Variants in LSAMP observed in about 807,000 individuals in gnomAD.
LSAMP encodes the protein limbic system associated membrane protein.
A neutral mutation model predicts 38.6 loss-of-function variants in LSAMP; 7 were observed. That is an observed-to-expected ratio of 0.18 (90% CI 0.10 to 0.34). LSAMP has a LOEUF of 0.34. LSAMP is among the 10% of genes least tolerant of loss of function. The pLI is 1.00. For missense variants in LSAMP, 313 were observed against 420.0 expected, an observed-to-expected ratio of 0.75 and a Z score of 2.23; for synonymous variants, 154 against 166.8, an observed-to-expected ratio of 0.92 and a Z score of 0.59.
intron 1 of LSAMP, among the ~76,000 whole-genome samples, chr3:116,092,500 A>G (rs1444414868): frequency 6.6e-6 from 1 of 152,192 alleles, no homozygotes; most frequent in Non-Finnish European, 1.5e-5. Context: ...GGAACTGCAA[A>G]TCTATGATTT....
chr3:116,048,835 T>C (rs1941340510), intron 2 of LSAMP, among the ~76,000 whole-genome samples: 1 of 152,176 alleles, frequency 6.6e-6, no homozygotes, highest in Non-Finnish European at 1.5e-5. Flanking sequence ...CCGGTTTCAA[T>C]CCATGACTCC....
intron 1 of LSAMP, among the ~76,000 whole-genome samples, chr3:116,329,979 A>G (rs2047826771): frequency 1.3e-5 from 2 of 152,198 alleles, no homozygotes; most frequent in Non-Finnish European, 2.9e-5. Flanking sequence ...AATAATTACT[A>G]CTTACTATGT....
At chr3:115,896,049 G>A (rs1462213731) in intron 3 of LSAMP, among the ~76,000 whole-genome samples, 2 of 152,006 alleles carry the variant, frequency 1.3e-5, no homozygotes, top group East Asian at 3.9e-4. Context: ...ATGTACCTAT[G>A]CTTGTGTGAG....
At chr3:116,259,766 T>C (rs1385980875) in intron 1 of LSAMP, among the ~76,000 whole-genome samples, 1 of 152,058 alleles carries the variant, frequency 6.6e-6, no homozygotes, top group Non-Finnish European at 1.5e-5. Flanking sequence ...ATACTTTTGA[T>C]AAGAAAAAGT....
intron 2 of LSAMP, among the ~76,000 whole-genome samples, chr3:116,071,335 G>T (rs1707601811): frequency 7.0e-6 from 1 of 142,176 alleles, no homozygotes; most frequent in South Asian, 2.3e-4. Flanking sequence ...AATCATGAGG[G>T]TTTTTTTTTT....
At chr3:115,931,526 C>A (rs1412601546) in intron 3 of LSAMP, among the ~76,000 whole-genome samples, 1 of 152,076 alleles carries the variant, frequency 6.6e-6, no homozygotes, top group Non-Finnish European at 1.5e-5. Flanking sequence ...ACAAATGAGC[C>A]GTTGGGTCAG....
At chr3:116,437,935 C>T (rs1202304858) in intron 1 of LSAMP, among the ~76,000 whole-genome samples, 2 of 151,724 alleles carry the variant, frequency 1.3e-5, no homozygotes. Flanking sequence ...TCTCCAAGGC[C>T]TTTCCTATTC....
At chr3:116,274,465 A>G (rs575472088) in intron 1 of LSAMP, among the ~76,000 whole-genome samples, 111 of 152,140 alleles carry the variant, frequency 7.3e-4, no homozygotes, top group African/African-American at 2.5e-3. Flanking sequence ...TTTTTTTCTT[A>G]TATCTTTTTC....
intron 1 of LSAMP, among the ~76,000 whole-genome samples, chr3:116,402,586 T>C (rs531356354): frequency 2.5e-4 from 38 of 152,246 alleles, no homozygotes; most frequent in African/African-American, 8.7e-4. Context: ...TCACTATTTA[T>C]TGGCATTAAA....
intron 1 of LSAMP, among the ~76,000 whole-genome samples, chr3:116,183,732 A>ACAC (rs1223406065): frequency 6.6e-6 from 1 of 151,822 alleles, no homozygotes; most frequent in Non-Finnish European, 1.5e-5. Flanking sequence ...TCTGATTAGA[A>ACAC]CACCTATAAA....
intron 1 of LSAMP, among the ~76,000 whole-genome samples, chr3:116,351,144 C>T (rs73861638): frequency 0.019 from 2,836 of 151,674 alleles, 83 homozygotes; most frequent in African/African-American, 0.063. Context: ...GTTTGCATAA[C>T]GGAGGAAGGA....
intron 4 of LSAMP, among the ~76,000 whole-genome samples, chr3:115,849,814 A>G (rs1301589169): frequency 1.3e-5 from 2 of 152,234 alleles, no homozygotes; most frequent in Non-Finnish European, 1.5e-5. Context: ...TAATATAAAC[A>G]CAGCTCATGA....
chr3:116,162,694 C>CTA (rs1008861925), intron 1 of LSAMP, among the ~76,000 whole-genome samples: 11 of 131,488 alleles, frequency 8.4e-5, no homozygotes, highest in Non-Finnish European at 1.5e-4. Flanking sequence ...CTCTCTCTCT[C>CTA]TATATATATA....
chr3:116,058,268 G>T (rs780750265), intron 2 of LSAMP, among the ~76,000 whole-genome samples: 8 of 151,918 alleles, frequency 5.3e-5, no homozygotes, highest in Non-Finnish European at 1.0e-4. Context: ...AAGAGCAGTG[G>T]GTCTCCCACT....
rs144104832 is a variant in LSAMP, at chr3:116,166,684, A to G, written c.156-80128T>C. On this transcript the variant is annotated intron_variant, in intron 1 of 6. Transcript: ENST00000490035. ...CATTGTATCCAGAAAAAAATCTAGT[A>G]TATACATTTAGAATCCATTTGCAGA... Among the ~76,000 whole-genome samples, 1,225 of 152,040 alleles carry G rather than the reference A, an allele frequency of 8.1e-3. 22 individuals are homozygous for G. The highest frequency in any genetic ancestry group is 0.028 in the African/African-American group (1,165 of 41,452).
intron 3 of LSAMP, among the ~76,000 whole-genome samples, chr3:115,992,669 A>G (rs1301402233): frequency 6.6e-6 from 1 of 152,136 alleles, no homozygotes; most frequent in Non-Finnish European, 1.5e-5. Flanking sequence ...TCTTTCTACT[A>G]TTGTAGAAGA....
chr3:115,872,542 A>C (rs1225098371), intron 3 of LSAMP, among the ~76,000 whole-genome samples: 1 of 152,126 alleles, frequency 6.6e-6, no homozygotes, highest in African/African-American at 2.4e-5. Flanking sequence ...CGACAGCAGG[A>C]GGCCGATAGG....
At chr3:115,885,826 T>C (rs1936439732) in intron 3 of LSAMP, among the ~76,000 whole-genome samples, 1 of 151,848 alleles carries the variant, frequency 6.6e-6, no homozygotes, top group Non-Finnish European at 1.5e-5. Context: ...ACAGCTCTCT[T>C]AAGGCTGGAG....
intron 1 of LSAMP, among the ~76,000 whole-genome samples, chr3:116,143,613 A>C (rs1339935494): frequency 6.6e-6 from 1 of 151,980 alleles, no homozygotes; most frequent in Non-Finnish European, 1.5e-5. Context: ...CAAAATTAAA[A>C]GTCTACTGTA....
Sources: allele counts gnomAD v4.1 joint callset (sites outside exome capture counted in the v4.1 genomes callset), GRCh38; gene constraint gnomAD v4.1.1; transcripts MANE v1.5; gene names NCBI Gene and HGNC (gene_info 2026-07-23, HGNC 2026-07-21).